Variants in SLC6A13 observed in about 807,000 individuals in gnomAD.
SLC6A13 encodes the protein solute carrier family 6 member 13.
SLC6A13 carries 69 observed loss-of-function variants against 72.9 expected under a neutral mutation model. That is an observed-to-expected ratio of 0.95 (90% CI 0.78 to 1.16). The LOEUF (loss-of-function observed/expected upper bound fraction) is 1.16, where lower values mean the gene tolerates loss of function less well. SLC6A13 is among the 50% of genes most tolerant of loss of function. The probability of loss-of-function intolerance (pLI) is 0.00; values close to 1 mark genes in which losing one functional copy is unlikely to be tolerated. For synonymous variants in SLC6A13, 303 were observed against 303.0 expected, an observed-to-expected ratio of 1.00 and a Z score of 0.00; for missense variants, 735 against 760.5, an observed-to-expected ratio of 0.97 and a Z score of 0.39.
Position 237,969 on chromosome 12 carries a change from C to G in SLC6A13, c.520G>C (p.Gly174Arg). Residue 174 changes from glycine (G) to arginine (R), a missense_variant, in exon 5 of 15, where the codon GGT becomes CGT. Coordinates refer to ENST00000343164, the MANE Select transcript of SLC6A13 (RefSeq NM_016615.5). Reference protein sequence around the residue: ...EFQKTNGSLNGTSENATSPVI... With the variant: ...EFQKTNGSLNRTSENATSPVI... ...GGAGAGGTGGCATTCTCAGAGGTACCATTCAGGGAGCCGTTGGTCTTCTGG... is the reference window on the plus strand; with the variant it reads ...GGAGAGGTGGCATTCTCAGAGGTACGATTCAGGGAGCCGTTGGTCTTCTGG... 1 of 1,614,078 alleles carries G rather than the reference C, an allele frequency of 6.2e-7. No individual in the cohort carries two copies. Among genetic ancestry groups the G allele is most frequent in the Non-Finnish European group, 8.5e-7 (1 of 1,179,988 alleles).
At chr12:261,797 G>T (rs1466739120) in intron 1 of SLC6A13, among the ~76,000 whole-genome samples, 1 of 152,058 alleles carries the variant, frequency 6.6e-6, no homozygotes, top group Non-Finnish European at 1.5e-5. Flanking sequence ...ATGGTGGCAG[G>T]CACCTGTAAT....
chr12:239,917 G>A (rs887796924), intron 4 of SLC6A13, among the ~76,000 whole-genome samples: 4 of 152,200 alleles, frequency 2.6e-5, no homozygotes, highest in Admixed American at 1.3e-4. Flanking sequence ...CTCACTAAGA[G>A]AGATGTCAAC....
At chr12:240,086 C>A (rs539363477) in intron 4 of SLC6A13, among the ~76,000 whole-genome samples, 37 of 152,208 alleles carry the variant, frequency 2.4e-4, no homozygotes, top group Admixed American at 2.0e-3. Flanking sequence ...CCACTGAGAT[C>A]TGGATAAAAT....
chr12:243,796 A>C lies in SLC6A13; in HGVS notation c.220T>G (p.Tyr74Asp). 1 of 1,614,102 alleles carries C rather than the reference A, an allele frequency of 6.2e-7. No individual in the cohort carries two copies. The highest frequency in any genetic ancestry group is 8.5e-7 in the Non-Finnish European group (1 of 1,179,968). The change falls in exon 3 of 15, where the codon TAC (tyrosine) becomes GAC (aspartate). Residue 74 changes from tyrosine to aspartate, a missense_variant. Tyr to Asp is a radical substitution (Grantham distance 160). Coordinates refer to ENST00000343164, the MANE Select transcript of SLC6A13 (RefSeq NM_016615.5). ...KNGGGAFFIP[Y>D]LVFLFTCGIP... Reference sequence around the variant, plus strand: ...CCACAGGTAAAGAGGAAGACGAGGTAGGGGATGAAGAAGGCACCTGTGGTT... The same window carrying C: ...CCACAGGTAAAGAGGAAGACGAGGTCGGGGATGAAGAAGGCACCTGTGGTT...
chr12:238,448 G>T, intron 4 of SLC6A13: 1 of 669,146 alleles, frequency 1.5e-6, no homozygotes, highest in Non-Finnish European at 2.4e-6. Flanking sequence ...CTGTGCAGCT[G>T]TGGGTAAGTT....
intron 7 of SLC6A13, among the ~76,000 whole-genome samples, chr12:233,280 C>G (rs530991203): frequency 5.9e-5 from 9 of 152,282 alleles, no homozygotes; most frequent in African/African-American, 1.9e-4. Flanking sequence ...CCCTCCGGCC[C>G]TCGACACCTC....
chr12:237,617 G>A (rs968079971), intron 5 of SLC6A13, among the ~76,000 whole-genome samples: 7 of 151,932 alleles, frequency 4.6e-5, no homozygotes, highest in African/African-American at 1.7e-4. Context: ...GGAGGGGGTG[G>A]GTCAGAGTCC....
At chr12:227,128 G>C (rs902231668) in intron 8 of SLC6A13, among the ~76,000 whole-genome samples, 21 of 152,214 alleles carry the variant, frequency 1.4e-4, no homozygotes, top group Non-Finnish European at 2.2e-4. Flanking sequence ...GGGGTGCACA[G>C]TAGGACCTCA....
intron 7 of SLC6A13, among the ~76,000 whole-genome samples, chr12:234,692 A>G (rs1941854569): frequency 1.3e-5 from 2 of 151,816 alleles, no homozygotes; most frequent in South Asian, 2.1e-4. Context: ...TAATTTTTGT[A>G]TTTTTAGTAG....
At chr12:241,694 G>C (rs1460456017) in intron 4 of SLC6A13, among the ~76,000 whole-genome samples, 1 of 152,228 alleles carries the variant, frequency 6.6e-6, no homozygotes, top group African/African-American at 2.4e-5. Context: ...ATAGTGCAAA[G>C]AACATTTTCA....
At chr12:229,653 A>G (rs1426321198) in intron 7 of SLC6A13, among the ~76,000 whole-genome samples, 1 of 152,160 alleles carries the variant, frequency 6.6e-6, no homozygotes, top group East Asian at 1.9e-4. Flanking sequence ...GCCCCCTCCC[A>G]AAAAGGTCAT....
In SLC6A13 at chr12:226,423, G is replaced by C; in HGVS notation, c.1027C>G (p.Gln343Glu). ...FSILGFMSQE[Q>E]GVPISEVAES... ...GCCACCTCAGAAATGGGCACCCCCTGCTCCTGAGACATGAAGCCCAGGATG... is the reference window on the plus strand; with the variant it reads ...GCCACCTCAGAAATGGGCACCCCCTCCTCCTGAGACATGAAGCCCAGGATG... Residue 343 changes from glutamine (Q) to glutamate (E), a missense_variant, in exon 9 of 15, where the codon CAG (glutamine) becomes GAG (glutamate). By Grantham distance (29) the Gln-to-Glu change is conservative (BLOSUM62 2). Transcript: ENST00000343164. The C allele has an allele frequency of 6.2e-7, 1 of 1,614,084 alleles. No homozygotes were observed. Among genetic ancestry groups the C allele is most frequent in the Non-Finnish European group, 8.5e-7 (1 of 1,179,954 alleles).
rs1344213463 is a variant in SLC6A13 at position 237,660 on chromosome 12, G to A, written c.563+266C>T. Among the ~76,000 whole-genome samples, 15 of 152,236 alleles carry A rather than the reference G, an allele frequency of 9.9e-5. No individual in the cohort carries two copies. The East Asian group carries it at 1.2e-3, about 12-fold the overall frequency. On this transcript the variant is annotated intron_variant, in intron 5 of 14. Transcript: ENST00000343164. ...TGCAGCCACAGGGAGGAGGAAGTGC[G>A]GAGTGAGAGCACATATGCACACACA...
At chr12:256,084 C>G (rs1942734054) in intron 2 of SLC6A13, among the ~76,000 whole-genome samples, 1 of 152,112 alleles carries the variant, frequency 6.6e-6, no homozygotes, top group African/African-American at 2.4e-5. Flanking sequence ...TCCCCTTTAC[C>G]CAGCTCTCCT....
intron 13 of SLC6A13, 60 bp downstream of exon 13, chr12:222,472 C>T: frequency 1.9e-6 from 2 of 1,072,478 alleles, no homozygotes; most frequent in Non-Finnish European, 2.8e-6. Context: ...GGCTTCTCTA[C>T]CCCTGCTAGC....
chr12:254,224 G>A lies in SLC6A13; in HGVS notation c.202+5627C>T, dbSNP rs550539395. ...CAGCTCAGGGCCCCACCCCCGAGGA[G>A]TCTGGCCACTGGCACACTGTCACTG... On this transcript the variant is annotated intron_variant, in intron 2 of 14. Transcript: ENST00000343164. This position sits in a 1 kb window ranked among gnomAD's most constrained non-coding sequence, Gnocchi z 4.4. 6.6e-6 allele frequency among the ~76,000 whole-genome samples: 1 copy of A among 152,234 alleles called. No individual in the cohort carries two copies. Among genetic ancestry groups the A allele is most frequent in the Non-Finnish European group, 1.5e-5 (1 of 68,042 alleles).
intron 7 of SLC6A13, among the ~76,000 whole-genome samples, chr12:230,127 C>T (rs891503410): frequency 5.3e-5 from 8 of 152,092 alleles, no homozygotes; most frequent in Admixed American, 6.5e-5. Context: ...ATTCCCACCA[C>T]AGGCGACCAC....
At chr12:242,535 G>T in intron 4 of SLC6A13, 79 bp downstream of exon 4, 3 of 1,276,716 alleles carry the variant, frequency 2.3e-6, no homozygotes, top group Non-Finnish European at 3.3e-6. Flanking sequence ...CGTGTTAAGC[G>T]GGGATATAGT....
intron 8 of SLC6A13, chr12:227,072 C>T (rs564203940): frequency 1.2e-5 from 2 of 165,210 alleles, no homozygotes; most frequent in East Asian, 3.7e-4. Flanking sequence ...GAAAAAGGGG[C>T]AAGGATTCAA....
Sources: allele counts gnomAD v4.1 joint callset (sites outside exome capture counted in the v4.1 genomes callset), GRCh38; gene constraint gnomAD v4.1.1; non-coding constraint Gnocchi (gnomAD v3.1); transcripts MANE v1.5; gene names NCBI Gene and HGNC (gene_info 2026-07-23, HGNC 2026-07-21).